The following GRM7 variants were observed in gnomAD, a reference collection of about 807,000 sequenced individuals.
The protein encoded by GRM7 is glutamate metabotropic receptor 7, also known as metabotropic glutamate receptor 7.
Under a neutral mutation model 84.5 loss-of-function variants are expected in GRM7, and 35 were observed. The ratio of observed to expected loss-of-function variants is 0.41; its 90% CI spans 0.32 to 0.55. The LOEUF is 0.55. GRM7 is among the 20% of genes least tolerant of loss of function. GRM7 has a pLI of 0.19. For missense variants in GRM7, 1,003 were observed against 1,194.6 expected, an observed-to-expected ratio of 0.84 and a Z score of 2.36; for synonymous variants, 487 against 455.1, an observed-to-expected ratio of 1.07 and a Z score of -0.89.
chr3:6,868,440 A>T (rs1389257135), intron 1 of GRM7, among the ~76,000 whole-genome samples: 1 of 152,214 alleles, frequency 6.6e-6, no homozygotes, highest in Non-Finnish European at 1.5e-5. Flanking sequence ...GTAGGCCCAT[A>T]GAAACTTGAG....
chr3:7,283,125 C>T (rs958902221), intron 2 of GRM7, among the ~76,000 whole-genome samples: 13 of 152,116 alleles, frequency 8.5e-5, no homozygotes, highest in African/African-American at 2.7e-4. Flanking sequence ...ACATTAGTTT[C>T]GAAGTTCTGA....
intron 4 of GRM7, among the ~76,000 whole-genome samples, chr3:7,381,722 C>A (rs1575250883): frequency 6.6e-6 from 1 of 152,094 alleles, no homozygotes; most frequent in Non-Finnish European, 1.5e-5. Flanking sequence ...ATGTAAATAA[C>A]GTGCTTAGCA....
chr3:7,709,631 G>A (rs1701512805), intron 9 of GRM7, among the ~76,000 whole-genome samples: 1 of 152,164 alleles, frequency 6.6e-6, no homozygotes, highest in African/African-American at 2.4e-5. Context: ...GGGTTTCCCA[G>A]TAGGACTCAT....
intron 7 of GRM7, chr3:7,559,310 C>T (rs973188529): frequency 2.0e-5 from 3 of 152,190 alleles, no homozygotes; most frequent in African/African-American, 7.3e-5. Flanking sequence ...TCTTATTTAT[C>T]ACCTGTCAGG....
intron 1 of GRM7, among the ~76,000 whole-genome samples, chr3:7,111,319 G>T (rs1175345381): frequency 6.6e-6 from 1 of 152,126 alleles, no homozygotes; most frequent in African/African-American, 2.4e-5. Context: ...TTGAAAGTAG[G>T]CATGGCTAGA....
At chr3:7,644,120 T>TTGTTGTGTGTGTG (rs55748562) in intron 8 of GRM7, among the ~76,000 whole-genome samples, 4 of 119,916 alleles carry the variant, frequency 3.3e-5, no homozygotes, top group Admixed American at 1.6e-4. Flanking sequence ...ACTGTGCATG[T>TTGTTGTGTGTGTG]TGTGTGTGTG....
At chr3:7,171,270 G>C (rs1161625882) in intron 2 of GRM7, among the ~76,000 whole-genome samples, 2 of 152,026 alleles carry the variant, frequency 1.3e-5, no homozygotes, top group African/African-American at 2.4e-5. Context: ...CCCTCTGCTT[G>C]TCTGTGTTTG....
chr3:7,477,922 A>G (rs982420653), intron 7 of GRM7, among the ~76,000 whole-genome samples: 12 of 152,184 alleles, frequency 7.9e-5, no homozygotes, highest in Admixed American at 7.9e-4. Flanking sequence ...AGGACCGGTT[A>G]TAAGTGACAC....
intron 5 of GRM7, among the ~76,000 whole-genome samples, chr3:7,424,329 C>T (rs975668052): frequency 4.6e-5 from 7 of 151,942 alleles, no homozygotes; most frequent in Non-Finnish European, 8.8e-5. Context: ...AAAGAAAAGT[C>T]AGGGCTCCTC....
In GRM7 at chr3:7,451,261, A is replaced by G. The variant is rs144363238; in HGVS notation, c.1175-1346A>G. Among the ~76,000 whole-genome samples the G allele has an allele frequency of 7.7e-4, 118 of 152,326 alleles. 1 individual carries two copies. The highest frequency in any genetic ancestry group is 2.7e-3 in the African/African-American group (111 of 41,584). ...TAGTATCTACTGGATGCTAAAGGCT[A>G]TGTTCAATGGTGGGGATCCAAAGGT... On this transcript the variant is annotated intron_variant, in intron 5 of 9. Coordinates refer to ENST00000357716, the MANE Select transcript of GRM7 (RefSeq NM_000844.4).
intron 7 of GRM7, among the ~76,000 whole-genome samples, chr3:7,547,557 T>A (rs2125021936): frequency 6.6e-6 from 1 of 152,258 alleles, no homozygotes; most frequent in South Asian, 2.1e-4. Flanking sequence ...CACGTAAGAA[T>A]GTGCTATGGT....
intron 2 of GRM7, among the ~76,000 whole-genome samples, chr3:7,205,737 A>C (rs75661470): frequency 0.011 from 1,681 of 152,344 alleles, 39 homozygotes; most frequent in African/African-American, 0.038. Context: ...ACGTGAATGC[A>C]GAAAATAACA....
rs1244163985 is a variant in GRM7 at position 7,550,933 on chromosome 3, A to G, written c.1516-27489A>G. Reference sequence around the variant, plus strand: ...ATGTGGAAGCAGTATTTCACAGTGGATATTAATGTGGGTTTTAGAGTTAGA... The same window carrying G: ...ATGTGGAAGCAGTATTTCACAGTGGGTATTAATGTGGGTTTTAGAGTTAGA... On this transcript the variant is annotated intron_variant, in intron 7 of 9. Transcript: ENST00000357716. Among the ~76,000 whole-genome samples the G allele has an allele frequency of 2.0e-5, 3 of 152,118 alleles. No homozygotes were observed. The East Asian group carries it at 5.8e-4, about 29-fold the overall frequency.
At chr3:7,373,339 A>C (rs1694215801) in intron 4 of GRM7, among the ~76,000 whole-genome samples, 1 of 152,154 alleles carries the variant, frequency 6.6e-6, no homozygotes, top group South Asian at 2.1e-4. Flanking sequence ...GATATTCCAC[A>C]TGATTTTAAT....
rs1388393541 is a variant in GRM7, at chr3:7,711,742, G to A, written c.2699-28615G>A. Among the ~76,000 whole-genome samples the A allele has an allele frequency of 3.9e-5, 6 of 152,084 alleles. No homozygotes were observed. In the East Asian group the frequency reaches 1.2e-3, roughly 29 times the overall value. On this transcript the variant is annotated intron_variant, in intron 9 of 9. Coordinates refer to ENST00000357716, the MANE Select transcript of GRM7 (RefSeq NM_000844.4). The stretch of plus-strand genomic sequence containing the variant: ...TGCCTCGCCTGTGTGTTACACACGC[G>A]GCACCATTGGCGCCTTTCAAAGATC...
At chr3:7,398,387 G>T (rs1695302934) in intron 4 of GRM7, among the ~76,000 whole-genome samples, 2 of 152,102 alleles carry the variant, frequency 1.3e-5, no homozygotes, top group African/African-American at 4.8e-5. Context: ...TTATCATCAA[G>T]AGGGGAACCA....
At chr3:7,711,437 A>G (rs1289216979) in intron 9 of GRM7, among the ~76,000 whole-genome samples, 5 of 152,166 alleles carry the variant, frequency 3.3e-5, no homozygotes, top group Non-Finnish European at 7.3e-5. Flanking sequence ...AGTGGAACAG[A>G]ATGAGGTCAG....
intron 7 of GRM7, among the ~76,000 whole-genome samples, chr3:7,549,392 TAG>T (rs1693330438): frequency 6.6e-6 from 1 of 152,194 alleles, no homozygotes; most frequent in African/African-American, 2.4e-5. Context: ...ATAGTGTTTA[TAG>T]TATGGAAATC....
chr3:7,131,530 G>A (rs906430158), intron 1 of GRM7, among the ~76,000 whole-genome samples: 7 of 152,098 alleles, frequency 4.6e-5, no homozygotes, highest in African/African-American at 1.7e-4. Flanking sequence ...CCAGGTTGGA[G>A]TTCAGTGGCA....
Sources: gnomAD v4.1 joint callset for allele counts (sites outside exome capture counted in the v4.1 genomes callset) on GRCh38, gnomAD v4.1.1 for gene constraint, MANE v1.5 for transcripts, NCBI Gene and HGNC (gene_info 2026-07-23, HGNC 2026-07-21) for gene names.